PDCD1LG2: variants seen among roughly 807,000 people sequenced by gnomAD.
PDCD1LG2 encodes the protein programmed cell death 1 ligand 2, also known as B7 dendritic cell molecule.
Under a neutral mutation model 28.2 loss-of-function variants are expected in PDCD1LG2, and 32 were observed. The observed-to-expected ratio is 1.13, with a 90% CI of 0.86 to 1.52. The LOEUF is 1.52. PDCD1LG2 is among the 40% of genes most tolerant of loss of function. The probability of loss-of-function intolerance (pLI) is 0.00; values close to 1 mark genes in which losing one functional copy is unlikely to be tolerated. For missense variants in PDCD1LG2, 385 were observed against 323.8 expected, an observed-to-expected ratio of 1.19 and a Z score of -1.45; for synonymous variants, 116 against 120.2, an observed-to-expected ratio of 0.97 and a Z score of 0.23.
At chr9:5,532,525 A>T (rs1295551768) in intron 2 of PDCD1LG2, among the ~76,000 whole-genome samples, 1 of 152,174 alleles carries the variant, frequency 6.6e-6, no homozygotes. Flanking sequence ...TTATTTGCCA[A>T]GCTCTTAACT....
chr9:5,538,373 A>G (rs1374575205), intron 3 of PDCD1LG2, among the ~76,000 whole-genome samples: 2 of 151,752 alleles, frequency 1.3e-5, no homozygotes, highest in South Asian at 2.1e-4. Context: ...ATATTGTACT[A>G]TATATATATA....
chr9:5,518,447 G>A (rs1260014670), intron 1 of PDCD1LG2, among the ~76,000 whole-genome samples: 2 of 152,254 alleles, frequency 1.3e-5, no homozygotes, highest in Non-Finnish European at 1.5e-5. Flanking sequence ...TATGTTACAT[G>A]CTGTCCTTTC....
At chr9:5,557,563 T>TG in intron 4 of PDCD1LG2, 55 bp from the exon 5 acceptor site, 1 of 1,599,688 alleles carries the variant, frequency 6.3e-7, no homozygotes, top group Non-Finnish European at 8.6e-7. Context: ...GCCAGCCTGT[T>TG]GGTCTACCTC....
chr9:5,511,521 A>T (rs958227267), intron 1 of PDCD1LG2, among the ~76,000 whole-genome samples: 1 of 152,230 alleles, frequency 6.6e-6, no homozygotes, highest in African/African-American at 2.4e-5. Flanking sequence ...CCAACTAATC[A>T]GGACTTTTAA....
chr9:5,537,460 G>C (rs1178713132), intron 3 of PDCD1LG2, among the ~76,000 whole-genome samples: 2 of 152,136 alleles, frequency 1.3e-5, no homozygotes, highest in Non-Finnish European at 2.9e-5. Context: ...GATCAAATAT[G>C]TGTTAATAAT....
chr9:5,538,549 G>A (rs1021548093), intron 3 of PDCD1LG2, among the ~76,000 whole-genome samples: 24 of 152,172 alleles, frequency 1.6e-4, no homozygotes, highest in African/African-American at 3.6e-4. Flanking sequence ...TTAGCCGGGC[G>A]CGGTGGCGGG....
In PDCD1LG2 at chr9:5,524,532, C is replaced by T. The variant is rs368860942; in HGVS notation, c.55+1931C>T. On this transcript the variant is annotated intron_variant, in intron 2 of 6. Transcript: ENST00000397747. Reference sequence around the variant, plus strand: ...ATCAGTTCAGACAAATATTAAATACCTACCTAAATTAGAATGCCTTCTCCT... The same window carrying T: ...ATCAGTTCAGACAAATATTAAATACTTACCTAAATTAGAATGCCTTCTCCT... Among the ~76,000 whole-genome samples, 10 of 152,234 alleles carry T rather than the reference C, an allele frequency of 6.6e-5. No individual in the cohort carries two copies. In the East Asian group the frequency reaches 1.5e-3, roughly 23 times the overall value.
rs1820041536 is a variant in PDCD1LG2 at position 5,510,771 on chromosome 9, A to G, written c.-47A>G. The G allele has an allele frequency of 6.6e-6, 1 of 152,608 alleles. No homozygotes were observed. Among genetic ancestry groups the G allele is most frequent in the Non-Finnish European group, 1.5e-5 (1 of 68,046 alleles). The allele number at this position is 152,608 out of a possible 1,614,324, so 9.5% of individuals were successfully genotyped here. On this transcript the variant is annotated 5_prime_UTR_variant, in exon 1 of 7. Coordinates refer to ENST00000397747, the MANE Select transcript of PDCD1LG2 (RefSeq NM_025239.4). ...ACTGTTTTTTGTTGTTTACTTTTGC[A>G]TCTTTACTTGTGGAGCTGTGGCAAG...
chr9:5,521,265 G>A (rs1777189616), intron 1 of PDCD1LG2, among the ~76,000 whole-genome samples: 1 of 152,098 alleles, frequency 6.6e-6, no homozygotes, highest in East Asian at 1.9e-4. Context: ...TTCCTTTTCA[G>A]GGTAATGAAA....
At chr9:5,548,324 A>G (rs1035471258) in intron 3 of PDCD1LG2, among the ~76,000 whole-genome samples, 17 of 152,206 alleles carry the variant, frequency 1.1e-4, no homozygotes, top group Non-Finnish European at 2.5e-4. Flanking sequence ...GTCATGAATG[A>G]CAGATTTTAC....
intron 2 of PDCD1LG2, 151 bp from the exon 3 acceptor site, chr9:5,534,594 C>T: frequency 1.5e-6 from 1 of 671,822 alleles, no homozygotes; most frequent in South Asian, 2.0e-5. Context: ...ATGGATGGGG[C>T]AAAGGAGAAA....
chr9:5,561,516 A>G (rs144502956), intron 5 of PDCD1LG2, among the ~76,000 whole-genome samples: 254 of 152,374 alleles, frequency 1.7e-3, no homozygotes, highest in African/African-American at 5.5e-3. Context: ...CTTAATACAA[A>G]TTGGTTCAGT....
chr9:5,528,501 C>G (rs1214317907), intron 2 of PDCD1LG2, among the ~76,000 whole-genome samples: 1 of 150,624 alleles, frequency 6.6e-6, no homozygotes, highest in Admixed American at 6.6e-5. Flanking sequence ...CATGGGGTCT[C>G]CTTGTGTTTC....
chr9:5,532,379 T>G (rs1052317136), intron 2 of PDCD1LG2, among the ~76,000 whole-genome samples: 1 of 152,232 alleles, frequency 6.6e-6, no homozygotes, highest in Non-Finnish European at 1.5e-5. Flanking sequence ...TGCATATCAC[T>G]ATCAAGTGTG....
intron 2 of PDCD1LG2, among the ~76,000 whole-genome samples, chr9:5,525,146 G>A (rs1022931285): frequency 1.3e-5 from 2 of 152,104 alleles, no homozygotes; most frequent in East Asian, 1.9e-4. Context: ...TCAGGAGTTC[G>A]AGACCAGCCT....
At chr9:5,560,079 C>T (rs772792844) in intron 5 of PDCD1LG2, among the ~76,000 whole-genome samples, 4 of 152,244 alleles carry the variant, frequency 2.6e-5, no homozygotes, top group Non-Finnish European at 5.9e-5. Flanking sequence ...ACACCCATTA[C>T]ATTAAATCCC....
At chr9:5,527,627 G>GT (rs1820404587) in intron 2 of PDCD1LG2, among the ~76,000 whole-genome samples, 1 of 152,072 alleles carries the variant, frequency 6.6e-6, no homozygotes, top group Non-Finnish European at 1.5e-5. Flanking sequence ...TTGCATATAG[G>GT]TTTTTTTGGG....
intron 2 of PDCD1LG2, among the ~76,000 whole-genome samples, chr9:5,534,205 T>G (rs1006045365): frequency 2.6e-5 from 4 of 152,070 alleles, no homozygotes; most frequent in African/African-American, 9.7e-5. Context: ...CAACAAGTAA[T>G]AGTTATTATT....
At chr9:5,522,217 A>G (rs954237793) in intron 1 of PDCD1LG2, among the ~76,000 whole-genome samples, 8 of 152,246 alleles carry the variant, frequency 5.3e-5, no homozygotes, top group Admixed American at 3.3e-4. Context: ...GAAAAAAGCT[A>G]TGGAAAGCTT....
Sources: gnomAD v4.1 joint callset for allele counts (sites outside exome capture counted in the v4.1 genomes callset) on GRCh38, gnomAD v4.1.1 for gene constraint, MANE v1.5 for transcripts, NCBI Gene and HGNC (gene_info 2026-07-23, HGNC 2026-07-21) for gene names.